PRKAA1: variants seen among roughly 807,000 people sequenced by gnomAD.
PRKAA1 encodes the protein protein kinase AMP-activated catalytic subunit alpha 1.
A neutral mutation model predicts 56.9 loss-of-function variants in PRKAA1; 23 were observed. The observed-to-expected ratio is 0.40, with a 90% CI of 0.29 to 0.57. The LOEUF (loss-of-function observed/expected upper bound fraction) is 0.57. Ranked by LOEUF, PRKAA1 falls within the 20% of genes least tolerant of loss-of-function variation. PRKAA1 has a pLI of 0.39. For synonymous variants in PRKAA1, 226 were observed against 227.0 expected, an observed-to-expected ratio of 1.00 and a Z score of 0.04; for missense variants, 413 against 679.7, an observed-to-expected ratio of 0.61 and a Z score of 4.36.
intron 3 of PRKAA1, among the ~76,000 whole-genome samples, chr5:40,774,584 C>A (rs1579729119): frequency 7.8e-6 from 1 of 128,046 alleles, no homozygotes; most frequent in Non-Finnish European, 1.6e-5. Context: ...TAAGGAGAAG[C>A]AGGAGTAAAG....
intron 1 of PRKAA1, among the ~76,000 whole-genome samples, chr5:40,789,864 A>C (rs377060265): frequency 6.6e-6 from 1 of 152,268 alleles, no homozygotes. Context: ...GAATGTATAC[A>C]TGTATCAAAA....
intron 1 of PRKAA1, among the ~76,000 whole-genome samples, chr5:40,793,044 G>A (rs1227656067): frequency 6.7e-6 from 1 of 150,010 alleles, no homozygotes; most frequent in Non-Finnish European, 1.5e-5. Flanking sequence ...TCCAGCCTGG[G>A]CGACAAGAGT....
rs747116005 is a variant in PRKAA1 at position 40,767,559 on chromosome 5, T to C, written c.728A>G (p.Tyr243Cys). The change falls in exon 6 of 9, where the codon TAT becomes TGT. Residue 243 changes from tyrosine to cysteine, a missense_variant. Physicochemically the swap from Tyr to Cys is radical, Grantham distance 194. Transcript: ENST00000397128. ...AGAAGGATTTAAATATTGAGGGGTA[T>C]AGAAGATCCCATCACATATCTTCTT... The part of the protein sequence containing the change: ...LFKKICDGIF[Y>C]TPQYLNPSVI... The C allele has an allele frequency of 2.5e-6, 4 of 1,613,478 alleles. No homozygotes were observed. Among genetic ancestry groups the C allele is most frequent in the African/African-American group, 1.3e-5 (1 of 75,018 alleles).
At chr5:40,785,839 CAGAGAGAGAG>C (rs10594859) in intron 1 of PRKAA1, among the ~76,000 whole-genome samples, 2 of 58,482 alleles carry the variant, frequency 3.4e-5, no homozygotes, top group South Asian at 7.5e-4. Context: ...CACACACACA[CAGAGAGAGAG>C]AGAGAGAGAG....
Position 40,773,192 on chromosome 5 carries a change from G to A in PRKAA1, c.364-1329C>T, listed in dbSNP as rs541995104. On this transcript the variant is annotated intron_variant, in intron 3 of 8. Transcript: ENST00000397128. ...AAATCAGTAATTTATTTTGAAACAA[G>A]AAACTATTATAAGATACCATTCCTC... Among the ~76,000 whole-genome samples the A allele has an allele frequency of 1.1e-4, 16 of 152,156 alleles. No individual in the cohort carries two copies. The South Asian group carries it at 2.9e-3, about 28-fold the overall frequency.
intron 4 of PRKAA1, among the ~76,000 whole-genome samples, chr5:40,771,203 T>C (rs1013954092): frequency 4.6e-5 from 7 of 152,200 alleles, no homozygotes; most frequent in Admixed American, 3.3e-4. Context: ...GTTTAAAATT[T>C]AATTTTAAAG....
intron 1 of PRKAA1, 51 bp downstream of exon 1, chr5:40,798,012 A>G: frequency 1.3e-6 from 2 of 1,588,488 alleles, no homozygotes; most frequent in Non-Finnish European, 8.6e-7. Context: ...GGAAAGCGGA[A>G]GTCGTGCGGC....
chr5:40,792,710 T>C (rs1009872638), intron 1 of PRKAA1, among the ~76,000 whole-genome samples: 1 of 152,208 alleles, frequency 6.6e-6, no homozygotes, highest in African/African-American at 2.4e-5. Context: ...AAATAACTTC[T>C]ACTATGATTC....
chr5:40,796,265 A>G (rs1579768588), intron 1 of PRKAA1, among the ~76,000 whole-genome samples: 1 of 152,138 alleles, frequency 6.6e-6, no homozygotes, highest in South Asian at 2.1e-4. Context: ...GCAATGAGCC[A>G]AGATCACACC....
At chr5:40,793,326 A>C (rs1731463974) in intron 1 of PRKAA1, among the ~76,000 whole-genome samples, 1 of 152,166 alleles carries the variant, frequency 6.6e-6, no homozygotes, top group South Asian at 2.1e-4. Flanking sequence ...GGAAACAATA[A>C]AGACAATTCA....
At position 40,775,431 on chromosome 5, in the gene PRKAA1, ATCAAATAGCTCTCC is replaced by A; in HGVS notation, c.328_341del (p.Gly110LeufsTer4). ...TTACCCTTCCATTCTTACAGATATA[ATCAAATAGCTCTCC>A]TCCTGAGACATATTCCATCACCATG... On this transcript the variant is annotated frameshift_variant, in exon 3 of 9. Transcript: ENST00000397128. LOFTEE classifies it high-confidence loss of function. 3.7e-6 allele frequency: 6 copies of A among 1,602,382 alleles called. No homozygotes were observed. Among genetic ancestry groups the A allele is most frequent in the Non-Finnish European group, 4.3e-6 (5 of 1,169,352 alleles).
Position 40,795,006 on chromosome 5 carries a change from T to TACACACACACACACAC in PRKAA1, c.127+3056_127+3057insGTGTGTGTGTGTGTGT, listed in dbSNP as rs1468122343. 9.4e-4 allele frequency among the ~76,000 whole-genome samples: 132 copies of TACACACACACACACAC among 139,946 alleles called. No individual in the cohort carries two copies. The East Asian group carries it at 0.017, about 18-fold the overall frequency. 91.8% of individuals were successfully genotyped at this position (139,946 alleles called of 152,430 possible). A position where few individuals can be genotyped will look rare whatever the true frequency, so the allele number is the denominator to read the frequency against. ...AAAGAAACTGTGGTGTATACATATA[T>TACACACACACACACAC]ATACACACACACACACACACACACA... On this transcript the variant is annotated intron_variant, in intron 1 of 8. Coordinates refer to ENST00000397128, the MANE Select transcript of PRKAA1 (RefSeq NM_006251.6).
intron 1 of PRKAA1, among the ~76,000 whole-genome samples, chr5:40,782,194 A>G (rs571030746): frequency 6.6e-6 from 1 of 152,108 alleles, no homozygotes; most frequent in Non-Finnish European, 1.5e-5. Context: ...ACCATCACAA[A>G]CCAACCAAAC....
At chr5:40,778,614 T>A (rs1328775032) in intron 1 of PRKAA1, among the ~76,000 whole-genome samples, 11 of 152,112 alleles carry the variant, frequency 7.2e-5, no homozygotes, top group African/African-American at 2.7e-4. Flanking sequence ...ACCAGCATTA[T>A]ATAGTCAGAT....
intron 2 of PRKAA1, 152 bp downstream of exon 2, chr5:40,777,293 G>T: frequency 1.3e-6 from 1 of 777,618 alleles, no homozygotes; most frequent in Non-Finnish European, 2.0e-6. Context: ...AATTACAGGT[G>T]TGAGCCACCG....
chr5:40,791,280 A>C (rs1262750714), intron 1 of PRKAA1, among the ~76,000 whole-genome samples: 1 of 152,194 alleles, frequency 6.6e-6, no homozygotes, highest in African/African-American at 2.4e-5. Flanking sequence ...TATTCTTCAG[A>C]CTGTCAGTTT....
intron 4 of PRKAA1, among the ~76,000 whole-genome samples, chr5:40,771,115 T>TG (rs1163382584): frequency 2.6e-5 from 4 of 152,182 alleles, no homozygotes; most frequent in African/African-American, 9.6e-5. Flanking sequence ...TTGAACATAC[T>TG]GGAAATAAAG....
At chr5:40,789,428 C>T (rs1348637246) in intron 1 of PRKAA1, among the ~76,000 whole-genome samples, 4 of 152,094 alleles carry the variant, frequency 2.6e-5, no homozygotes, top group Admixed American at 2.0e-4. Context: ...ATAAATACAG[C>T]CATTTTGTAA....
At chr5:40,788,625 C>T (rs1324986917) in intron 1 of PRKAA1, among the ~76,000 whole-genome samples, 1 of 152,062 alleles carries the variant, frequency 6.6e-6, no homozygotes, top group Non-Finnish European at 1.5e-5. Flanking sequence ...GTCAGGAGTT[C>T]GAGACCAGCC....
Sources: allele counts gnomAD v4.1 joint callset (sites outside exome capture counted in the v4.1 genomes callset), GRCh38; gene constraint gnomAD v4.1.1; transcripts MANE v1.5; gene names NCBI Gene and HGNC (gene_info 2026-07-23, HGNC 2026-07-21).